The following NID1 variants were observed in gnomAD, a reference collection of about 807,000 sequenced individuals.
The protein encoded by NID1 is nidogen-1.
A neutral mutation model predicts 130.6 loss-of-function variants in NID1; 76 were observed. The observed-to-expected ratio is 0.58, with a 90% CI of 0.48 to 0.70. The LOEUF is 0.70. NID1 is among the 30% of genes least tolerant of loss of function. NID1 has a pLI of 0.00. For missense variants in NID1, 1,517 were observed against 1,664.8 expected (o/e 0.91, Z 1.54); for synonymous variants, 665 against 675.1 (o/e 0.98, Z 0.23).
At chr1:236,018,682 C>T (rs2102820962) in intron 9 of NID1, among the ~76,000 whole-genome samples, 1 of 152,328 alleles carries the variant, frequency 6.6e-6, no homozygotes, top group South Asian at 2.1e-4. Context: ...CTGAGATGTG[C>T]ATGAGGAGGG....
At chr1:236,059,161 C>T (rs1395817881) in intron 1 of NID1, among the ~76,000 whole-genome samples, 1 of 152,132 alleles carries the variant, frequency 6.6e-6, no homozygotes, top group African/African-American at 2.4e-5. Context: ...TGCTGGAGTC[C>T]GTAACCCGTG....
intron 14 of NID1, among the ~76,000 whole-genome samples, chr1:235,990,580 C>T (rs999385789): frequency 5.3e-5 from 8 of 152,242 alleles, no homozygotes; most frequent in African/African-American, 1.9e-4. Context: ...TCACAAAATG[C>T]ATCTCTGAAG....
chr1:236,041,968 A>T lies in NID1; in HGVS notation c.1077T>A (p.Thr359=). The change falls in exon 4 of 20, where the codon ACT becomes ACA. Residue 359 remains threonine, a synonymous_variant. Coordinates refer to ENST00000264187, the MANE Select transcript of NID1 (RefSeq NM_002508.3). Reference sequence around the variant, plus strand: ...TGACCTGAGGGTGCTGCTGGTGAAAAGTCTCCACTGCCAACTGGAAAGACC... The same window carrying T: ...TGACCTGAGGGTGCTGCTGGTGAAATGTCTCCACTGCCAACTGGAAAGACC... The part of the protein sequence containing the change: ...RTRSFQLAVE[T]FHQQHPQVID... 1 of 1,614,004 alleles carries T rather than the reference A, an allele frequency of 6.2e-7. No homozygotes were observed.
chr1:236,031,370 G>A (rs1377714688), intron 6 of NID1, among the ~76,000 whole-genome samples: 3 of 152,090 alleles, frequency 2.0e-5, no homozygotes, highest in African/African-American at 4.8e-5. Flanking sequence ...CATGTGCCTC[G>A]GCCTCCCAAA....
At chr1:236,011,543 T>A (rs1314414353) in intron 12 of NID1, among the ~76,000 whole-genome samples, 2 of 152,170 alleles carry the variant, frequency 1.3e-5, no homozygotes, top group African/African-American at 4.8e-5. Flanking sequence ...CCTCAAGTGA[T>A]CCACCCACCT....
intron 12 of NID1, among the ~76,000 whole-genome samples, chr1:236,005,398 G>A (rs959762063): frequency 6.6e-6 from 1 of 152,016 alleles, no homozygotes; most frequent in Non-Finnish European, 1.5e-5. Flanking sequence ...ACACACGATC[G>A]TAATTTTGTA....
rs777314781 is a variant in NID1, at chr1:236,013,514, A to G, written c.2301T>C (p.His767=). The G allele has an allele frequency of 6.2e-6, 10 of 1,614,186 alleles. No homozygotes were observed. The highest frequency in any genetic ancestry group is 5.0e-5 in the Admixed American group (3 of 60,030). ...GGGCCCGCTGGGGTATGTCGCAGTT[A>G]TGAAGGCCAGTTTCACAGTAGTTGA... ...RPINYCETGL[H]NCDIPQRAQC... The change falls in exon 11 of 20, where the codon CAT becomes CAC. Residue 767 remains histidine (H), a synonymous_variant. Coordinates refer to ENST00000264187, the MANE Select transcript of NID1 (RefSeq NM_002508.3).
At chr1:236,002,328 C>T (rs970205651) in intron 12 of NID1, among the ~76,000 whole-genome samples, 4 of 152,160 alleles carry the variant, frequency 2.6e-5, no homozygotes, top group African/African-American at 9.7e-5. Flanking sequence ...CATGGTGAAA[C>T]CCCGTATCTA....
At chr1:236,051,141 TG>T (rs1397859564) in intron 1 of NID1, among the ~76,000 whole-genome samples, 10 of 152,068 alleles carry the variant, frequency 6.6e-5, no homozygotes, top group Admixed American at 6.6e-4. Context: ...ATTTTGCAAA[TG>T]GCACTTTATT....
intron 12 of NID1, among the ~76,000 whole-genome samples, chr1:236,002,843 C>T (rs965228475): frequency 6.6e-5 from 10 of 152,140 alleles, no homozygotes; most frequent in South Asian, 2.1e-4. Context: ...ACATCAAGAC[C>T]GGGAGCTTGT....
chr1:235,993,525 G>GGGTAAGT lies in NID1; in HGVS notation c.2755+119_2755+120insACTTACC, dbSNP rs1657825622. 6 of 938,340 alleles carry GGGTAAGT rather than the reference G, an allele frequency of 6.4e-6. No individual in the cohort carries two copies. In the African/African-American group the frequency reaches 6.5e-5, roughly 10 times the overall value. 58.1% of individuals were successfully genotyped at this position (938,340 alleles called of 1,614,324 possible). On this transcript the variant is annotated intron_variant, in intron 13 of 19. Transcript: ENST00000264187. ...GGGTGCAGCAGGAGCGGGTGGGGCT[G>GGGTAAGT]GAGCCAGTGGAACAGTTCAAGCTTT...
intron 13 of NID1, among the ~76,000 whole-genome samples, chr1:235,992,220 G>C (rs1657769534): frequency 6.6e-6 from 1 of 152,142 alleles, no homozygotes. Flanking sequence ...TTGTCCCCAA[G>C]GTCACTTTCT....
At chr1:236,032,678 A>G in intron 5 of NID1, 26 bp from the exon 6 acceptor site, 1 of 1,612,398 alleles carries the variant, frequency 6.2e-7, no homozygotes, top group Non-Finnish European at 8.5e-7. Flanking sequence ...AAGAAAGAAT[A>G]TAGAGATCAC....
rs1293898138 is a variant in NID1, at chr1:236,026,211, C to G, written c.1739-70G>C. On this transcript the variant is annotated intron_variant, in intron 7 of 19. Transcript: ENST00000264187. ...GGAAGATGGTTAAGGATGCAAGAAG[C>G]TGAATCAACGGCTTTCAAGGCACCA... The G allele has an allele frequency of 1.8e-5, 29 of 1,582,522 alleles. 1 individual carries two copies. The South Asian group carries it at 3.2e-4, about 17-fold the overall frequency.
In NID1 at chr1:236,013,343, A is replaced by G; in HGVS notation, c.2404+68T>C. 3 of 1,564,318 alleles carry G rather than the reference A, an allele frequency of 1.9e-6. No individual in the cohort carries two copies. The South Asian group carries it at 3.4e-5, about 18-fold the overall frequency. On this transcript the variant is annotated intron_variant, in intron 11 of 19. Transcript: ENST00000264187. The stretch of plus-strand genomic sequence containing the variant: ...ATTTGGGAGTGAGTTGGTGATTGGC[A>G]CATGACAGGTACCACCTAGGAAACT...
At chr1:236,056,026 G>A (rs1659890829) in intron 1 of NID1, among the ~76,000 whole-genome samples, 2 of 152,080 alleles carry the variant, frequency 1.3e-5, no homozygotes, top group Non-Finnish European at 2.9e-5. Context: ...GGGCCACCAA[G>A]AACACACAAT....
At chr1:236,030,981 A>G (rs946136209) in intron 6 of NID1, among the ~76,000 whole-genome samples, 3 of 152,244 alleles carry the variant, frequency 2.0e-5, no homozygotes, top group African/African-American at 7.2e-5. Flanking sequence ...ATTTGCAAAG[A>G]AAAGGGCATC....
intron 16 of NID1, among the ~76,000 whole-genome samples, chr1:235,981,342 T>A (rs1657430574): frequency 6.6e-6 from 1 of 152,202 alleles, no homozygotes; most frequent in Non-Finnish European, 1.5e-5. Flanking sequence ...ATTGAAGCCA[T>A]ATGGAAAATA....
intron 5 of NID1, among the ~76,000 whole-genome samples, chr1:236,032,996 T>C (rs1004062082): frequency 7.2e-5 from 11 of 152,112 alleles, no homozygotes; most frequent in African/African-American, 2.7e-4. Context: ...AAGGCGACCA[T>C]AGAATTTATC....
Sources: gnomAD v4.1 joint callset for allele counts (sites outside exome capture counted in the v4.1 genomes callset) on GRCh38, gnomAD v4.1.1 for gene constraint, MANE v1.5 for transcripts, NCBI Gene and HGNC (gene_info 2026-07-23, HGNC 2026-07-21) for gene names.